TMEM209: variants seen among roughly 807,000 people sequenced by gnomAD.
The protein encoded by TMEM209 is transmembrane protein 209, also known as testicular tissue protein Li 202.
Under a neutral mutation model 76.2 loss-of-function variants are expected in TMEM209, and 65 were observed. That is an observed-to-expected ratio of 0.85 (90% CI 0.70 to 1.05). The LOEUF is 1.05. Among genes scored for constraint, TMEM209 ranks in the 50% least tolerant of loss-of-function variants. TMEM209 has a pLI of 0.00. For missense variants in TMEM209, 623 were observed against 685.5 expected, an observed-to-expected ratio of 0.91 and a Z score of 1.02; for synonymous variants, 239 against 237.6, an observed-to-expected ratio of 1.01 and a Z score of -0.06.
Position 130,188,464 on chromosome 7 carries a change from C to T in TMEM209, c.776-3097G>A, listed in dbSNP as rs1041277718. On this transcript the variant is annotated intron_variant, in intron 6 of 14. Coordinates refer to ENST00000397622, the MANE Select transcript of TMEM209 (RefSeq NM_032842.4). ...ACAAAAAATTAGCCAGGCGTGGTGGCAGGCACCTGTAGTCCCAGCTACTCG... is the reference window on the plus strand; with the variant it reads ...ACAAAAAATTAGCCAGGCGTGGTGGTAGGCACCTGTAGTCCCAGCTACTCG... Among the ~76,000 whole-genome samples, 5 of 151,824 alleles carry T rather than the reference C, an allele frequency of 3.3e-5. No homozygotes were observed. In the South Asian group the frequency reaches 6.3e-4, roughly 19 times the overall value.
intron 13 of TMEM209, among the ~76,000 whole-genome samples, chr7:130,172,434 C>T (rs1022764472): frequency 4.6e-5 from 7 of 152,030 alleles, no homozygotes; most frequent in African/African-American, 1.7e-4. Context: ...GCTCCGCCTC[C>T]TGGGTTCACG....
intron 5 of TMEM209, among the ~76,000 whole-genome samples, chr7:130,195,912 CTTATT>C (rs1401693886): frequency 6.6e-6 from 1 of 152,026 alleles, no homozygotes; most frequent in African/African-American, 2.4e-5. Flanking sequence ...TATACATTGT[CTTATT>C]TTATCTTTTC....
At chr7:130,184,737 G>A (rs563944882) in intron 7 of TMEM209, among the ~76,000 whole-genome samples, 7 of 152,116 alleles carry the variant, frequency 4.6e-5, no homozygotes, top group Middle Eastern at 3.4e-3. Flanking sequence ...TGATCCACCC[G>A]CCTCTGCCTC....
Position 130,166,301 on chromosome 7 carries a change from A to G in TMEM209, c.*150T>C, listed in dbSNP as rs577354076. On this transcript the variant is annotated 3_prime_UTR_variant, in exon 15 of 15. Coordinates refer to ENST00000397622, the MANE Select transcript of TMEM209 (RefSeq NM_032842.4). ...GGACATATTTTTACAATTACATTTC[A>G]TAACAGCTACATTTTCTGTTAAATC... 31 of 501,754 alleles carry G rather than the reference A, an allele frequency of 6.2e-5. No homozygotes were observed. Among genetic ancestry groups the G allele is most frequent in the Middle Eastern group, 4.8e-4 (1 of 2,066 alleles). The allele number at this position is 501,754 out of a possible 1,614,324, so 31.1% of individuals were successfully genotyped here.
chr7:130,183,461 C>T (rs1797492763), intron 8 of TMEM209, among the ~76,000 whole-genome samples: 1 of 152,082 alleles, frequency 6.6e-6, no homozygotes, highest in South Asian at 2.1e-4. Context: ...TTTTGATGCC[C>T]TATTTAAATA....
chr7:130,205,007 A>G, intron 1 of TMEM209: 1 of 1,186,788 alleles, frequency 8.4e-7, no homozygotes, highest in East Asian at 4.4e-5. Flanking sequence ...GAGAGAGGGG[A>G]AAACGTGCAT....
chr7:130,181,971 G>A (rs1053733978), intron 8 of TMEM209: 4 of 319,984 alleles, frequency 1.3e-5, no homozygotes, highest in African/African-American at 2.2e-5. Flanking sequence ...ATGGAGTTTC[G>A]CTCTTGTTGC....
intron 6 of TMEM209, among the ~76,000 whole-genome samples, chr7:130,188,154 ATTAG>A (rs1384007921): frequency 6.6e-6 from 1 of 152,246 alleles, no homozygotes; most frequent in Non-Finnish European, 1.5e-5. Flanking sequence ...AACTCAATGA[ATTAG>A]TTAAATAACA....
chr7:130,190,496 C>A (rs1480613246), intron 6 of TMEM209, among the ~76,000 whole-genome samples: 2 of 145,244 alleles, frequency 1.4e-5, no homozygotes, highest in East Asian at 2.0e-4. Context: ...CCAGCCTGGG[C>A]GACAGAGCCA....
Position 130,205,393 on chromosome 7 carries a change from C to G in TMEM209, c.-18G>C. 6.2e-7 allele frequency: 1 copy of G among 1,613,716 alleles called. No homozygotes were observed. The highest frequency in any genetic ancestry group is 8.5e-7 in the Non-Finnish European group (1 of 1,179,878). ...CGCACCATGTCCTCTGGCCGGAAAACGCAGGCTCGCGCCACTCTCTCTGGG... is the reference window on the plus strand; with the variant it reads ...CGCACCATGTCCTCTGGCCGGAAAAGGCAGGCTCGCGCCACTCTCTCTGGG... On this transcript the variant is annotated 5_prime_UTR_variant, in exon 1 of 15. Transcript: ENST00000397622.
Position 130,202,611 on chromosome 7 carries a change from T to C in TMEM209, c.252A>G (p.Arg84=). 6.2e-7 allele frequency: 1 copy of C among 1,613,716 alleles called. No individual in the cohort carries two copies. The highest frequency in any genetic ancestry group is 8.5e-7 in the Non-Finnish European group (1 of 1,179,786). Residue 84 remains arginine, a synonymous_variant, in exon 4 of 15, where the codon AGA becomes AGG. Coordinates refer to ENST00000397622, the MANE Select transcript of TMEM209 (RefSeq NM_032842.4). ...TTGGTGCCACAGTATATTTGAAATA[T>C]CTCCAAAAATCAAATAAGGCATTAA... is the stretch of plus-strand genomic sequence containing the variant. The part of the protein sequence containing the change: ...FSLNALFDFW[R]YFKYTVAPTS...
rs1796846186 is a variant in TMEM209 at position 130,165,244 on chromosome 7, T to C, written c.*1207A>G. 1 of 152,194 alleles carries C rather than the reference T, an allele frequency of 6.6e-6. No individual in the cohort carries two copies. Among genetic ancestry groups the C allele is most frequent in the African/African-American group, 2.4e-5 (1 of 41,450 alleles). The allele number at this position is 152,194 out of a possible 1,614,324, so 9.4% of individuals were successfully genotyped here. On this transcript the variant is annotated 3_prime_UTR_variant, in exon 15 of 15. Coordinates refer to ENST00000397622, the MANE Select transcript of TMEM209 (RefSeq NM_032842.4). ...CTGTTTCCAGGTTTACATAAGATGA[T>C]GGAAGCAGTCTCTAATATGTTAATC...
At chr7:130,187,277 AC>A (rs1797633936) in intron 6 of TMEM209, among the ~76,000 whole-genome samples, 1 of 152,040 alleles carries the variant, frequency 6.6e-6, no homozygotes, top group Non-Finnish European at 1.5e-5. Context: ...AAAAAAAAAA[AC>A]AACATTATTA....
chr7:130,193,356 T>C (rs1293706135), intron 5 of TMEM209, among the ~76,000 whole-genome samples: 3 of 152,046 alleles, frequency 2.0e-5, no homozygotes, highest in Non-Finnish European at 2.9e-5. Flanking sequence ...CTGACCAACA[T>C]GGAGAAACCC....
chr7:130,180,287 T>A (rs1368555764), intron 9 of TMEM209, among the ~76,000 whole-genome samples: 1 of 152,070 alleles, frequency 6.6e-6, no homozygotes, highest in South Asian at 2.1e-4. Flanking sequence ...TGGGCTTATA[T>A]CTAGAATATA....
intron 8 of TMEM209, 25 bp downstream of exon 8, chr7:130,184,159 T>G: frequency 6.5e-7 from 1 of 1,537,938 alleles, no homozygotes; most frequent in Admixed American, 1.8e-5. Context: ...ACTAATATTG[T>G]CCAAAGAGTA....
At chr7:130,167,436 G>A (rs925318399) in intron 14 of TMEM209, among the ~76,000 whole-genome samples, 1 of 152,034 alleles carries the variant, frequency 6.6e-6, no homozygotes, top group Non-Finnish European at 1.5e-5. Flanking sequence ...ATGAGTCTAA[G>A]CATCTTTTTG....
At chr7:130,174,862 T>C (rs1320474951) in intron 11 of TMEM209, among the ~76,000 whole-genome samples, 1 of 151,920 alleles carries the variant, frequency 6.6e-6, no homozygotes, top group Non-Finnish European at 1.5e-5. Flanking sequence ...TAAATGACAG[T>C]GTGTAATAAT....
intron 8 of TMEM209, among the ~76,000 whole-genome samples, chr7:130,182,686 A>C (rs1797463565): frequency 1.3e-5 from 2 of 152,228 alleles, no homozygotes; most frequent in Non-Finnish European, 2.9e-5. Flanking sequence ...GTTTGTAGCA[A>C]CTTCAATTAC....
Sources: allele counts gnomAD v4.1 joint callset (sites outside exome capture counted in the v4.1 genomes callset), GRCh38; gene constraint gnomAD v4.1.1; transcripts MANE v1.5; gene names NCBI Gene and HGNC (gene_info 2026-07-23, HGNC 2026-07-21).